STXBP5: variants seen among roughly 807,000 people sequenced by gnomAD.
STXBP5 encodes the protein syntaxin binding protein 5, also known as syntaxin-binding protein 5.
A neutral mutation model predicts 152.4 loss-of-function variants in STXBP5; 50 were observed. That is an observed-to-expected ratio of 0.33 (90% confidence interval 0.26 to 0.42). The LOEUF is 0.42. Among genes scored for constraint, STXBP5 ranks in the 10% least tolerant of loss-of-function variants. The pLI, the probability that STXBP5 is intolerant of heterozygous loss-of-function variation, is 1.00. For missense variants in STXBP5, 1,167 were observed against 1,388.6 expected, an observed-to-expected ratio of 0.84 and a Z score of 2.54; for synonymous variants, 492 against 494.7, an observed-to-expected ratio of 0.99 and a Z score of 0.07.
intron 7 of STXBP5, among the ~76,000 whole-genome samples, chr6:147,270,863 C>G (rs1327972520): frequency 6.6e-6 from 1 of 152,000 alleles, no homozygotes; most frequent in Non-Finnish European, 1.5e-5. Context: ...GGTCAGAAGA[C>G]AGAGGACCAT....
At chr6:147,372,441 T>C (rs1410092707) in intron 25 of STXBP5, among the ~76,000 whole-genome samples, 6 of 69,314 alleles carry the variant, frequency 8.7e-5, no homozygotes, top group Non-Finnish European at 1.6e-4. Flanking sequence ...TTTTTTTTTT[T>C]TTTTTTTTTT....
At chr6:147,381,909 A>G (rs1786104306) in intron 26 of STXBP5, among the ~76,000 whole-genome samples, 1 of 152,168 alleles carries the variant, frequency 6.6e-6, no homozygotes, top group Non-Finnish European at 1.5e-5. Context: ...GCTAACAGGC[A>G]TGGAGCTTCT....
At chr6:147,222,561 C>T (rs1777513598) in intron 2 of STXBP5, among the ~76,000 whole-genome samples, 1 of 152,136 alleles carries the variant, frequency 6.6e-6, no homozygotes, top group African/African-American at 2.4e-5. Flanking sequence ...TCTTCCTTTA[C>T]TTGGAAGGCT....
At chr6:147,354,084 G>GAA (rs35128530) in intron 22 of STXBP5, among the ~76,000 whole-genome samples, 33,409 of 151,982 alleles carry the variant, frequency 0.22, 4,563 homozygotes, top group South Asian at 0.37. Flanking sequence ...AGGTATGATT[G>GAA]TGTAAGGATG....
At chr6:147,209,791 G>C (rs962980810) in intron 2 of STXBP5, among the ~76,000 whole-genome samples, 2 of 152,150 alleles carry the variant, frequency 1.3e-5, no homozygotes, top group African/African-American at 4.8e-5. Flanking sequence ...TATTCAGAAT[G>C]ACAGGGAGGA....
At chr6:147,378,540 A>G (rs771389780) in intron 26 of STXBP5, among the ~76,000 whole-genome samples, 1 of 152,100 alleles carries the variant, frequency 6.6e-6, no homozygotes, top group Admixed American at 6.6e-5. Flanking sequence ...GGAATCACAC[A>G]TAGTGCCCAC....
At chr6:147,267,881 T>C (rs963739570) in intron 7 of STXBP5, among the ~76,000 whole-genome samples, 1 of 152,154 alleles carries the variant, frequency 6.6e-6, no homozygotes, top group Non-Finnish European at 1.5e-5. Context: ...TGTTACTGTA[T>C]AGTAGTTGCA....
At chr6:147,269,885 G>C (rs1314220213) in intron 7 of STXBP5, among the ~76,000 whole-genome samples, 1 of 152,082 alleles carries the variant, frequency 6.6e-6, no homozygotes, top group Non-Finnish European at 1.5e-5. Flanking sequence ...AGAGTGGAGA[G>C]GAAGTATGTT....
chr6:147,237,900 CTT>C (rs1370950485), intron 3 of STXBP5, among the ~76,000 whole-genome samples: 1 of 152,128 alleles, frequency 6.6e-6, no homozygotes, highest in Non-Finnish European at 1.5e-5. Flanking sequence ...TGTTACATCT[CTT>C]GTCTTATTCT....
At chr6:147,231,540 A>G (rs908230645) in intron 2 of STXBP5, among the ~76,000 whole-genome samples, 1 of 151,912 alleles carries the variant, frequency 6.6e-6, no homozygotes, top group Admixed American at 6.6e-5. Context: ...TATTATCTTC[A>G]AAAGAATACA....
At chr6:147,312,472 G>C (rs1355617917) in intron 11 of STXBP5, among the ~76,000 whole-genome samples, 1 of 152,054 alleles carries the variant, frequency 6.6e-6, no homozygotes, top group Admixed American at 6.6e-5. Flanking sequence ...CCTGCCCCCA[G>C]CCCCGCCCTT....
chr6:147,277,956 T>C, intron 7 of STXBP5, 125 bp from the exon 8 acceptor site: 1 of 806,224 alleles, frequency 1.2e-6, no homozygotes, highest in Non-Finnish European at 1.8e-6. Context: ...ATGGAAATGT[T>C]AAGTTCACAT....
At chr6:147,272,030 T>TG (rs1780197271) in intron 7 of STXBP5, among the ~76,000 whole-genome samples, 2 of 152,118 alleles carry the variant, frequency 1.3e-5, no homozygotes, top group Admixed American at 6.5e-5. Flanking sequence ...AGAATTTCCT[T>TG]GAAAGATCCC....
intron 6 of STXBP5, among the ~76,000 whole-genome samples, chr6:147,264,626 A>G (rs191275475): frequency 2.6e-3 from 391 of 152,252 alleles, no homozygotes; most frequent in Non-Finnish European, 4.2e-3. Context: ...ATACACACTA[A>G]TGCTTTTTCA....
chr6:147,363,327 T>A lies in STXBP5; in HGVS notation c.2546-8T>A. Reference sequence around the variant, plus strand: ...ATTTCAGTTATTTACTAGACTTCTATATTTTAGGTACTATATTGAGGTTAA... The same window carrying A: ...ATTTCAGTTATTTACTAGACTTCTAAATTTTAGGTACTATATTGAGGTTAA... On this transcript the variant is annotated splice_region_variant and splice_polypyrimidine_tract_variant and intron_variant, in intron 23 of 27. Coordinates refer to ENST00000321680, the MANE Select transcript of STXBP5 (RefSeq NM_001127715.4). The A allele has an allele frequency of 6.4e-7, 1 of 1,552,066 alleles. No individual in the cohort carries two copies. Among genetic ancestry groups the A allele is most frequent in the South Asian group, 1.2e-5 (1 of 80,588 alleles).
chr6:147,353,856 G>A (rs1050833831), intron 22 of STXBP5, among the ~76,000 whole-genome samples: 3 of 152,070 alleles, frequency 2.0e-5, no homozygotes, highest in African/African-American at 7.2e-5. Context: ...TTCTTCCACA[G>A]CACTTTCTGT....
chr6:147,311,661 T>C (rs1057380972), intron 11 of STXBP5, 134 bp downstream of exon 11: 30 of 611,582 alleles, frequency 4.9e-5, no homozygotes, highest in Non-Finnish European at 8.0e-5. Flanking sequence ...TTTTGAGAGC[T>C]CCAGACTCAC....
At chr6:147,347,378 A>G (rs9390458) in intron 21 of STXBP5, among the ~76,000 whole-genome samples, 104,542 of 151,990 alleles carry the variant, frequency 0.69, 37,233 homozygotes, top group African/African-American at 0.89. Context: ...TACAGCAGTC[A>G]TTTTTAAGAA....
chr6:147,233,204 C>T (rs1778092790), intron 2 of STXBP5, among the ~76,000 whole-genome samples: 1 of 151,752 alleles, frequency 6.6e-6, no homozygotes, highest in African/African-American at 2.4e-5. Flanking sequence ...GAAGGTCAGT[C>T]ACTTAAAATT....
Sources: gnomAD v4.1 joint callset for allele counts (sites outside exome capture counted in the v4.1 genomes callset) on GRCh38, gnomAD v4.1.1 for gene constraint, MANE v1.5 for transcripts, NCBI Gene and HGNC (gene_info 2026-07-23, HGNC 2026-07-21) for gene names.